The following EFCAB6 variants were observed in gnomAD, a reference collection of about 807,000 sequenced individuals.
EFCAB6 encodes EF-hand calcium binding domain 6, also known as EF-hand calcium-binding domain-containing protein 6.
A neutral mutation model predicts 169.8 loss-of-function variants in EFCAB6; 156 were observed. The ratio of observed to expected loss-of-function variants is 0.92; its 90% confidence interval spans 0.81 to 1.05. The LOEUF (loss-of-function observed/expected upper bound fraction) is 1.05, where lower values mean the gene tolerates loss of function less well. EFCAB6 is among the 50% of genes least tolerant of loss of function. The pLI, the probability that EFCAB6 is intolerant of heterozygous loss-of-function variation, is 0.00. For missense variants in EFCAB6, 1,800 were observed against 1,829.1 expected, an observed-to-expected ratio of 0.98 and a Z score of 0.29; for synonymous variants, 698 against 676.4, an observed-to-expected ratio of 1.03 and a Z score of -0.50.
chr22:43,651,525 G>A (rs1231073852), intron 17 of EFCAB6, among the ~76,000 whole-genome samples: 5 of 152,252 alleles, frequency 3.3e-5, no homozygotes, highest in Admixed American at 6.5e-5. Context: ...GGAAATGTGG[G>A]GGCAGGGCCC....
rs569597233 is a variant in EFCAB6, at chr22:43,783,302, G to A, written c.-7-977C>T. ...GGGAAAAGCTGGGGAATGAGATGTC[G>A]ATAGGGACTTGAAAAAGCGCCCACA... On this transcript the variant is annotated intron_variant, in intron 2 of 31. Coordinates refer to ENST00000262726, the MANE Select transcript of EFCAB6 (RefSeq NM_022785.4). Among the ~76,000 whole-genome samples, 5 of 152,292 alleles carry A rather than the reference G, an allele frequency of 3.3e-5. No homozygotes were observed. In the East Asian group the frequency reaches 9.6e-4, roughly 29 times the overall value.
At chr22:43,558,425 G>A (rs947366057) in intron 26 of EFCAB6, among the ~76,000 whole-genome samples, 9 of 150,578 alleles carry the variant, frequency 6.0e-5, no homozygotes, top group Admixed American at 2.0e-4. Flanking sequence ...TTTTTTTTGC[G>A]CTTTGCTTTA....
chr22:43,728,148 T>C (rs528583544), intron 8 of EFCAB6, among the ~76,000 whole-genome samples: 161 of 152,020 alleles, frequency 1.1e-3, no homozygotes, highest in African/African-American at 3.7e-3. Flanking sequence ...TCACAATGAG[T>C]GAGAACATGC....
chr22:43,565,685 T>C (rs567676404), intron 26 of EFCAB6, among the ~76,000 whole-genome samples: 1 of 152,286 alleles, frequency 6.6e-6, no homozygotes, highest in East Asian at 1.9e-4. Flanking sequence ...GACTGTATGA[T>C]TCATATACTA....
chr22:43,560,458 A>G (rs965755912), intron 26 of EFCAB6, among the ~76,000 whole-genome samples: 2 of 152,220 alleles, frequency 1.3e-5, no homozygotes, highest in African/African-American at 4.8e-5. Flanking sequence ...CCCTTACATC[A>G]TAAGACCTGT....
At chr22:43,725,574 A>C (rs1394599688) in intron 8 of EFCAB6, among the ~76,000 whole-genome samples, 2 of 152,242 alleles carry the variant, frequency 1.3e-5, no homozygotes, top group Non-Finnish European at 2.9e-5. Context: ...TTAAGTTTCA[A>C]CATGAGTTTT....
intron 8 of EFCAB6, among the ~76,000 whole-genome samples, chr22:43,722,578 G>C (rs1603279208): frequency 6.6e-6 from 1 of 151,612 alleles, no homozygotes; most frequent in African/African-American, 2.4e-5. Flanking sequence ...AGGCTGCAGA[G>C]AAAAGGGAAC....
chr22:43,674,612 ATC>A (rs1269757402), intron 13 of EFCAB6, among the ~76,000 whole-genome samples: 2 of 152,192 alleles, frequency 1.3e-5, no homozygotes, highest in Non-Finnish European at 1.5e-5. Context: ...GACAGGCATG[ATC>A]TGTTTTATAC....
intron 10 of EFCAB6, among the ~76,000 whole-genome samples, chr22:43,707,290 G>A (rs1260532715): frequency 6.6e-6 from 1 of 152,154 alleles, no homozygotes; most frequent in Non-Finnish European, 1.5e-5. Context: ...CATGAAGAAT[G>A]AAATGGGAAG....
chr22:43,678,211 A>AT (rs397780829), intron 12 of EFCAB6, 48 bp from the exon 13 acceptor site: 5 of 1,489,448 alleles, frequency 3.4e-6, no homozygotes, highest in Non-Finnish European at 4.6e-6. Context: ...AAAAAAAAAA[A>AT]GGAAGAAAAA....
intron 3 of EFCAB6, among the ~76,000 whole-genome samples, chr22:43,781,761 A>T (rs1179525171): frequency 6.6e-6 from 1 of 152,126 alleles, no homozygotes; most frequent in Non-Finnish European, 1.5e-5. Flanking sequence ...TAACAAATGT[A>T]CCACAGTAAT....
rs149645897 is a variant in EFCAB6 at position 43,703,282 on chromosome 22, A to G, written c.1031+8193T>C. Reference sequence around the variant, plus strand: ...AGTAGCCCAGCCATCTAGAACACCCAAAAGCAAGCTCTGTCTGCCCATGGT... The same window carrying G: ...AGTAGCCCAGCCATCTAGAACACCCGAAAGCAAGCTCTGTCTGCCCATGGT... On this transcript the variant is annotated intron_variant, in intron 10 of 31. Transcript: ENST00000262726. Among the ~76,000 whole-genome samples, 313 of 152,312 alleles carry G rather than the reference A, an allele frequency of 2.1e-3. 1 individual carries two copies. Among genetic ancestry groups the G allele is most frequent in the African/African-American group, 7.3e-3 (304 of 41,558 alleles).
Position 43,537,131 on chromosome 22 carries a change from CAG to C in EFCAB6, c.4048+244_4048+245del. The C allele has an allele frequency of 5.0e-6, 2 of 398,732 alleles. No homozygotes were observed. Among genetic ancestry groups the C allele is most frequent in the South Asian group, 1.2e-4 (2 of 16,910 alleles). The allele number at this position is 398,732 out of a possible 1,614,324, so 24.7% of individuals were successfully genotyped here. A position where few individuals can be genotyped will look rare whatever the true frequency, so the allele number is the denominator to read the frequency against. On this transcript the variant is annotated intron_variant, in intron 29 of 31. Coordinates refer to ENST00000262726, the MANE Select transcript of EFCAB6 (RefSeq NM_022785.4). This position sits in a 1 kb window ranked among gnomAD's most constrained non-coding sequence, Gnocchi z 4.3. ...GGCAACCACTGTGATTTCTAAAGCT[CAG>C]AGTTAGTGCAGCGCTGACTTTACCA...
intron 20 of EFCAB6, among the ~76,000 whole-genome samples, chr22:43,617,587 G>A (rs774396654): frequency 6.6e-6 from 1 of 152,116 alleles, no homozygotes; most frequent in Admixed American, 6.5e-5. Flanking sequence ...GTTTTCTGGT[G>A]GTTACTTAAT....
chr22:43,602,933 A>C (rs1367653814), intron 22 of EFCAB6, among the ~76,000 whole-genome samples: 1 of 151,670 alleles, frequency 6.6e-6, no homozygotes, highest in Non-Finnish European at 1.5e-5. Flanking sequence ...TCCTAGGTCC[A>C]TGTCTTATCT....
chr22:43,676,207 G>C (rs1251723732), intron 13 of EFCAB6, among the ~76,000 whole-genome samples: 1 of 151,976 alleles, frequency 6.6e-6, no homozygotes, highest in Non-Finnish European at 1.5e-5. Flanking sequence ...CACAAGGTCA[G>C]GAGATCGAGA....
intron 2 of EFCAB6, among the ~76,000 whole-genome samples, chr22:43,784,331 T>G (rs536120639): frequency 6.6e-6 from 1 of 151,554 alleles, no homozygotes; most frequent in South Asian, 2.1e-4. Context: ...GCAGACTTAC[T>G]TCCAAGAAAT....
intron 19 of EFCAB6, among the ~76,000 whole-genome samples, chr22:43,631,613 G>A (rs372229592): frequency 2.1e-4 from 32 of 152,032 alleles, no homozygotes; most frequent in African/African-American, 5.1e-4. Context: ...CAGTTCCTTC[G>A]ACAACAGCCA....
At chr22:43,781,950 G>A (rs529519871) in intron 3 of EFCAB6, among the ~76,000 whole-genome samples, 14 of 152,170 alleles carry the variant, frequency 9.2e-5, no homozygotes, top group African/African-American at 3.4e-4. Flanking sequence ...TACTCCCTGG[G>A]TTCAAATCCT....
Sources: allele counts gnomAD v4.1 joint callset (sites outside exome capture counted in the v4.1 genomes callset), GRCh38; gene constraint gnomAD v4.1.1; non-coding constraint Gnocchi (gnomAD v3.1); transcripts MANE v1.5; gene names NCBI Gene and HGNC (gene_info 2026-07-23, HGNC 2026-07-21).